Variants in ADAMTS15 observed in about 807,000 individuals in gnomAD.
ADAMTS15 encodes ADAM metallopeptidase with thrombospondin type 1 motif 15.
Under a neutral mutation model 79.1 loss-of-function variants are expected in ADAMTS15, and 35 were observed. That is an observed-to-expected ratio of 0.44 (90% confidence interval 0.34 to 0.59). The LOEUF is 0.59. ADAMTS15 is among the 20% of genes least tolerant of loss of function. The pLI, the probability that ADAMTS15 is intolerant of heterozygous loss-of-function variation, is 0.02. For synonymous variants in ADAMTS15, 616 were observed against 567.3 expected, an observed-to-expected ratio of 1.09 and a Z score of -1.22; for missense variants, 1,324 against 1,318.7, an observed-to-expected ratio of 1.00 and a Z score of -0.06.
Position 130,469,260 on chromosome 11 carries a change from A to C in ADAMTS15, c.1543-2A>C. ...AGGAATATAACAGGCTCTTCCTCAC[A>C]GGTGGATGGTTCCTGGGCCAAATGG... is the stretch of plus-strand genomic sequence containing the variant. On this transcript the variant is annotated splice_acceptor_variant, in intron 4 of 7. Coordinates refer to ENST00000299164, the MANE Select transcript of ADAMTS15 (RefSeq NM_139055.4). LOFTEE classifies it high-confidence loss of function. 7.2e-7 allele frequency: 1 copy of C among 1,395,142 alleles called. No homozygotes were observed. The highest frequency in any genetic ancestry group is 9.3e-7 in the Non-Finnish European group (1 of 1,070,142). 86.4% of individuals were successfully genotyped at this position (1,395,142 alleles called of 1,614,324 possible). A position where few individuals can be genotyped will look rare whatever the true frequency, so the allele number is the denominator to read the frequency against.
At position 130,470,172 on chromosome 11, in the gene ADAMTS15, A is replaced by ATG. The variant is rs1184278550; in HGVS notation, c.1720+734_1720+735insGT. Among the ~76,000 whole-genome samples the ATG allele has an allele frequency of 2.5e-3, 148 of 58,420 alleles. 15 individuals carry two copies. Among genetic ancestry groups the ATG allele is most frequent in the African/African-American group, 9.6e-3 (96 of 10,042 alleles). 38.3% of individuals were successfully genotyped at this position (58,420 alleles called of 152,430 possible). A position where few individuals can be genotyped will look rare whatever the true frequency, so the allele number is the denominator to read the frequency against. ...TATATGTGTATATATATATATATAT[A>ATG]TATATATATGTGTGTATATATATAT... On this transcript the variant is annotated intron_variant, in intron 5 of 7. Transcript: ENST00000299164.
intron 5 of ADAMTS15, among the ~76,000 whole-genome samples, chr11:130,470,203 T>C (rs1480474885): frequency 2.9e-4 from 18 of 62,546 alleles, no homozygotes; most frequent in African/African-American, 1.4e-3. Flanking sequence ...TATATATATA[T>C]ATATATGTAT....
At position 130,449,671 on chromosome 11, in the gene ADAMTS15, T is replaced by G. The variant is rs1176118525; in HGVS notation, c.698T>G (p.Phe233Cys). 5 of 1,601,586 alleles carry G rather than the reference T, an allele frequency of 3.1e-6. No individual in the cohort carries two copies. Among genetic ancestry groups the G allele is most frequent in the African/African-American group, 1.3e-5 (1 of 74,838 alleles). The change falls in exon 1 of 8, where the codon TTC becomes TGC. Residue 233 changes from phenylalanine to cysteine, a missense_variant. Coordinates refer to ENST00000299164, the MANE Select transcript of ADAMTS15 (RefSeq NM_139055.4). The surrounding 1 kb of genome is among the most constrained non-coding windows in gnomAD (Gnocchi z 7.8). ...GTCGCGGACGAGTCAATGGTCAAGT[T>G]CCACGGCGCGGACCTGGAACATTAT... is the stretch of plus-strand genomic sequence containing the variant. ...LVVADESMVK[F>C]HGADLEHYLL...
In ADAMTS15 at chr11:130,449,853, G is replaced by A; in HGVS notation, c.880G>A (p.Ala294Thr). The A allele has an allele frequency of 6.2e-7, 1 of 1,606,822 alleles. No homozygotes were observed. Among genetic ancestry groups the A allele is most frequent in the Non-Finnish European group, 8.5e-7 (1 of 1,180,008 alleles). The change falls in exon 1 of 8, where the codon GCC becomes ACC. Residue 294 changes from alanine to threonine, a missense_variant. Ala to Thr is a moderately conservative substitution (Grantham distance 58). Transcript: ENST00000299164. The surrounding 1 kb of genome is among the most constrained non-coding windows in gnomAD (Gnocchi z 7.8). ...GGCCCTGACGCTGCGCAACTTCTGTGCCTGGCAGAAGAAGCTGAACAAAGT... is the reference window on the plus strand; with the variant it reads ...GGCCCTGACGCTGCGCAACTTCTGTACCTGGCAGAAGAAGCTGAACAAAGT... ...NAALTLRNFC[A>T]WQKKLNKVSD...
chr11:130,449,995 G>A lies in ADAMTS15; in HGVS notation c.957+65G>A. The A allele has an allele frequency of 6.4e-7, 1 of 1,561,610 alleles. No homozygotes were observed. The highest frequency in any genetic ancestry group is 1.2e-5 in the South Asian group (1 of 83,858). On this transcript the variant is annotated intron_variant, in intron 1 of 7. Coordinates refer to ENST00000299164, the MANE Select transcript of ADAMTS15 (RefSeq NM_139055.4). The surrounding 1 kb of genome is among the most constrained non-coding windows in gnomAD (Gnocchi z 7.8). The stretch of plus-strand genomic sequence containing the variant: ...GTTCTTTAGGGTCACCTCCCCTAGC[G>A]CTCCAAATCCCCTTTGTATCGTGCA...
intron 5 of ADAMTS15, among the ~76,000 whole-genome samples, chr11:130,470,170 A>ATGTATATATATG (rs1344210683): frequency 3.4e-5 from 2 of 58,176 alleles, no homozygotes; most frequent in Non-Finnish European, 6.6e-5. Context: ...ATATATATAT[A>ATGTATATATATG]TATATATATA....
At chr11:130,456,741 A>T (rs1222618404) in intron 1 of ADAMTS15, among the ~76,000 whole-genome samples, 2 of 152,132 alleles carry the variant, frequency 1.3e-5, no homozygotes, top group Non-Finnish European at 2.9e-5. Context: ...AGCCATGGGG[A>T]CTGGGGTGCA....
chr11:130,449,262 G>T lies in ADAMTS15; in HGVS notation c.289G>T (p.Asp97Tyr). The T allele has an allele frequency of 6.2e-7, 1 of 1,613,040 alleles. No homozygotes were observed. Residue 97 changes from aspartate (D) to tyrosine (Y), a missense_variant, in exon 1 of 8, where the codon GAC becomes TAC. By Grantham distance (160) the Asp-to-Tyr change is radical. Transcript: ENST00000299164. This position sits in a 1 kb window ranked among gnomAD's most constrained non-coding sequence, Gnocchi z 7.8. ...CCAGGGGCTCACCGGGGGCTCTTCA[G>T]ACCTGCGACGCTGCTTCTATTCTGG... ...PLQGLTGGSS[D>Y]LRRCFYSGDV... is the part of the protein sequence containing the mutation.
intron 1 of ADAMTS15, among the ~76,000 whole-genome samples, chr11:130,458,370 A>G (rs907489047): frequency 2.6e-5 from 4 of 152,292 alleles, no homozygotes; most frequent in Non-Finnish European, 5.9e-5. Flanking sequence ...TGGTCTAGGC[A>G]TTTCTGAAGA....
intron 1 of ADAMTS15, among the ~76,000 whole-genome samples, chr11:130,452,052 T>G (rs1379748138): frequency 6.6e-6 from 1 of 152,130 alleles, no homozygotes; most frequent in Non-Finnish European, 1.5e-5. Flanking sequence ...GAAACCCCTC[T>G]TCCCCACCTC....
chr11:130,450,149 G>T (rs1937933662), intron 1 of ADAMTS15: 1 of 985,496 alleles, frequency 1.0e-6, no homozygotes, highest in Non-Finnish European at 1.2e-6. Context: ...GAGAGCCTGC[G>T]CTTTCCGAAG....
At chr11:130,454,275 A>G (rs1306889257) in intron 1 of ADAMTS15, among the ~76,000 whole-genome samples, 1 of 151,764 alleles carries the variant, frequency 6.6e-6, no homozygotes, top group African/African-American at 2.4e-5. Flanking sequence ...TATTCTCTTC[A>G]TTTGTACTCT....
At chr11:130,470,768 G>C in intron 5 of ADAMTS15, 152 bp from the exon 6 acceptor site, 1 of 866,816 alleles carries the variant, frequency 1.2e-6, no homozygotes, top group South Asian at 1.7e-5. Flanking sequence ...GGCCCAGCCT[G>C]CTTTAGTGCT....
intron 4 of ADAMTS15, among the ~76,000 whole-genome samples, chr11:130,468,174 G>T (rs1275431057): frequency 6.6e-6 from 1 of 152,204 alleles, no homozygotes; most frequent in Admixed American, 6.5e-5. Flanking sequence ...GCGTGGTGCT[G>T]GGAATTTTCG....
chr11:130,468,764 CAA>C (rs34961681), intron 4 of ADAMTS15, among the ~76,000 whole-genome samples: 3 of 78,110 alleles, frequency 3.8e-5, no homozygotes, highest in Admixed American at 1.5e-4. Flanking sequence ...GACTCCATCT[CAA>C]AAAAAAAAAA....
rs1029557161 is a variant in ADAMTS15 at position 130,472,258 on chromosome 11, C to T, written c.2079-789C>T. The stretch of plus-strand genomic sequence containing the variant: ...GGAGCCTTGACTGTGCCCCTGGACA[C>T]GTCGCCCTCTCCTGAGCCCCTGGGT... On this transcript the variant is annotated intron_variant, in intron 7 of 7. Transcript: ENST00000299164. The surrounding 1 kb of genome is among the most constrained non-coding windows in gnomAD (Gnocchi z 4.7). Among the ~76,000 whole-genome samples the T allele has an allele frequency of 1.3e-5, 2 of 152,178 alleles. No homozygotes were observed. The highest frequency in any genetic ancestry group is 2.9e-5 in the Non-Finnish European group (2 of 68,034).
At chr11:130,461,170 C>G (rs1938191295) in intron 1 of ADAMTS15, among the ~76,000 whole-genome samples, 1 of 152,180 alleles carries the variant, frequency 6.6e-6, no homozygotes, top group Non-Finnish European at 1.5e-5. Context: ...AGGGCCGTCT[C>G]TCTATAAAGT....
Position 130,475,569 on chromosome 11 carries a change from A to G in ADAMTS15, c.*1748A>G, listed in dbSNP as rs3816894. The G allele has an allele frequency of 0.31, 46,489 of 152,014 alleles. 7,512 individuals carry two copies. The highest frequency in any genetic ancestry group is 0.41 in the African/African-American group (16,942 of 41,422). 9.4% of individuals were successfully genotyped at this position (152,014 alleles called of 1,614,324 possible). A position where few individuals can be genotyped will look rare whatever the true frequency, so the allele number is the denominator to read the frequency against. On this transcript the variant is annotated 3_prime_UTR_variant, in exon 8 of 8. Coordinates refer to ENST00000299164, the MANE Select transcript of ADAMTS15 (RefSeq NM_139055.4). ...TTTCCCTAATAGTCAGAATCCACAA[A>G]CCAGCCAGCCAGCCAGCCAAGCCTC...
Position 130,476,029 on chromosome 11 carries a change from GC to G in ADAMTS15, c.*2209del, listed in dbSNP as rs1345743131. ...CTCCTGACACAAGCCAGGCCTCGGT[GC>G]TTTTATCTGTTGTGGTGGTTTTTCT... On this transcript the variant is annotated 3_prime_UTR_variant, in exon 8 of 8. Coordinates refer to ENST00000299164, the MANE Select transcript of ADAMTS15 (RefSeq NM_139055.4). 6.6e-6 allele frequency: 1 copy of G among 152,210 alleles called. No homozygotes were observed. Among genetic ancestry groups the G allele is most frequent in the East Asian group, 1.9e-4 (1 of 5,192 alleles). The allele number at this position is 152,210 out of a possible 1,614,324, so 9.4% of individuals were successfully genotyped here. A position where few individuals can be genotyped will look rare whatever the true frequency, so the allele number is the denominator to read the frequency against.
Sources: gnomAD v4.1 joint callset for allele counts (sites outside exome capture counted in the v4.1 genomes callset) on GRCh38, gnomAD v4.1.1 for gene constraint, Gnocchi (gnomAD v3.1) non-coding constraint, MANE v1.5 for transcripts, NCBI Gene and HGNC (gene_info 2026-07-23, HGNC 2026-07-21) for gene names.